SAXO1: variants seen among roughly 807,000 people sequenced by gnomAD.
SAXO1 encodes 4930500O09Rik.
A neutral mutation model predicts 17.5 loss-of-function variants in SAXO1; 21 were observed. The ratio of observed to expected loss-of-function variants is 1.20; its 90% confidence interval spans 0.85 to 1.72. SAXO1 has a LOEUF of 1.72. Ranked by LOEUF, SAXO1 falls within the 40% of genes most tolerant of loss-of-function variation. The pLI, the probability that SAXO1 is intolerant of heterozygous loss-of-function variation, is 0.00. For missense variants in SAXO1, 843 were observed against 596.0 expected (o/e 1.41, Z -4.32); for synonymous variants, 274 against 216.5 (o/e 1.27, Z -2.33).
intron 1 of SAXO1, chr9:19,027,822 C>G: frequency 6.8e-7 from 1 of 1,478,870 alleles, no homozygotes; most frequent in Non-Finnish European, 9.3e-7. Context: ...AAGGTAATTG[C>G]AGTCACAAAC....
At chr9:19,016,972 A>G (rs1417923645) in intron 1 of SAXO1, among the ~76,000 whole-genome samples, 1 of 151,964 alleles carries the variant, frequency 6.6e-6, no homozygotes, top group African/African-American at 2.4e-5. Context: ...TGAGCATGTG[A>G]CCAAGGCCTG....
intron 1 of SAXO1, among the ~76,000 whole-genome samples, chr9:18,978,057 C>T (rs369576967): frequency 1.4e-5 from 2 of 144,428 alleles, no homozygotes; most frequent in African/African-American, 5.2e-5. Context: ...TCGGGTGGAA[C>T]TAGATCTTAT....
intron 1 of SAXO1, among the ~76,000 whole-genome samples, chr9:18,975,620 G>C (rs1330319137): frequency 6.6e-6 from 1 of 152,182 alleles, no homozygotes; most frequent in Non-Finnish European, 1.5e-5. Context: ...CAGGCATAGT[G>C]ACTAGTGAGA....
chr9:18,968,575 G>C (rs1173645479), intron 1 of SAXO1, among the ~76,000 whole-genome samples: 1 of 145,930 alleles, frequency 6.9e-6, no homozygotes, highest in Non-Finnish European at 1.5e-5. Context: ...TGGCATCATG[G>C]TTAAGAAAAT....
At chr9:19,027,936 G>A (rs547494968) in intron 1 of SAXO1, 7 of 1,430,902 alleles carry the variant, frequency 4.9e-6, no homozygotes, top group African/African-American at 1.4e-5. Context: ...AAAGATGAAC[G>A]TCAGTCCTGA....
intron 2 of SAXO1, among the ~76,000 whole-genome samples, chr9:18,945,118 A>G (rs1831732979): frequency 6.6e-6 from 1 of 152,142 alleles, no homozygotes; most frequent in African/African-American, 2.4e-5. Context: ...ACAAGACACT[A>G]TCCTCACTGA....
chr9:19,043,134 T>C (rs1192534500), intron 1 of SAXO1, among the ~76,000 whole-genome samples: 1 of 151,884 alleles, frequency 6.6e-6, no homozygotes, highest in Admixed American at 6.6e-5. Flanking sequence ...ACTGCACCAC[T>C]ACACTCCAGC....
chr9:18,976,364 C>G (rs957035011), intron 1 of SAXO1, among the ~76,000 whole-genome samples: 9 of 152,182 alleles, frequency 5.9e-5, no homozygotes, highest in Non-Finnish European at 1.2e-4. Flanking sequence ...AGGGAGAGAG[C>G]TCTTGCTACA....
intron 1 of SAXO1, among the ~76,000 whole-genome samples, chr9:18,993,980 CAAA>C (rs1458793070): frequency 5.9e-5 from 9 of 152,160 alleles, no homozygotes; most frequent in Non-Finnish European, 1.3e-4. Flanking sequence ...GGCGAACCTA[CAAA>C]ATGAGTTAAA....
intron 1 of SAXO1, among the ~76,000 whole-genome samples, chr9:18,977,187 C>G (rs981674128): frequency 2.0e-5 from 3 of 152,220 alleles, no homozygotes; most frequent in African/African-American, 7.2e-5. Context: ...CAGAAACTCC[C>G]ACCATGCTGT....
intron 1 of SAXO1, among the ~76,000 whole-genome samples, chr9:18,961,755 G>A (rs1832494595): frequency 6.6e-6 from 1 of 152,136 alleles, no homozygotes; most frequent in Non-Finnish European, 1.5e-5. Flanking sequence ...CATTTGGGTG[G>A]GTTCCAAGTC....
At chr9:19,004,088 C>T (rs1292120619) in intron 1 of SAXO1, among the ~76,000 whole-genome samples, 1 of 152,172 alleles carries the variant, frequency 6.6e-6, no homozygotes, top group Non-Finnish European at 1.5e-5. Flanking sequence ...TGAACAGACA[C>T]TCCTCAAAAG....
chr9:19,039,485 G>A lies in SAXO1; in HGVS notation c.-158+9724C>T, dbSNP rs144074909. ...GTTTTATGTACATCTACTGTACTTC[G>A]TCCCTCAAAGTTTAGTCCTTAATAG... On this transcript the variant is annotated intron_variant, in intron 1 of 3. Transcript: ENST00000542071. Among the ~76,000 whole-genome samples the A allele has an allele frequency of 9.2e-5, 14 of 152,232 alleles. No homozygotes were observed. The East Asian group carries it at 2.1e-3, about 23-fold the overall frequency.
intron 3 of SAXO1, among the ~76,000 whole-genome samples, chr9:18,936,395 G>A (rs1011918733): frequency 2.0e-5 from 3 of 152,154 alleles, no homozygotes; most frequent in Non-Finnish European, 2.9e-5. Context: ...TTGCTGAAAC[G>A]GAGGCATCTA....
chr9:18,944,033 A>G (rs563410173), intron 2 of SAXO1, among the ~76,000 whole-genome samples: 2 of 152,380 alleles, frequency 1.3e-5, no homozygotes, highest in East Asian at 3.9e-4. Flanking sequence ...ACCGGAAAAG[A>G]GCAGACAAAA....
At chr9:18,933,576 G>C (rs1200585619) in intron 3 of SAXO1, among the ~76,000 whole-genome samples, 1 of 152,068 alleles carries the variant, frequency 6.6e-6, no homozygotes, top group Non-Finnish European at 1.5e-5. Flanking sequence ...TTGCAAGCTA[G>C]GTACCTGTAA....
chr9:19,003,767 G>T (rs1269869150), intron 1 of SAXO1, among the ~76,000 whole-genome samples: 5 of 152,098 alleles, frequency 3.3e-5, no homozygotes, highest in Non-Finnish European at 7.4e-5. Context: ...AGACTTAAAC[G>T]TAAGACCTAA....
At chr9:19,026,118 A>G (rs1348613797) in intron 1 of SAXO1, among the ~76,000 whole-genome samples, 1 of 152,222 alleles carries the variant, frequency 6.6e-6, no homozygotes, top group Non-Finnish European at 1.5e-5. Context: ...AAGCTTCCCA[A>G]TACAAATAAA....
intron 1 of SAXO1, among the ~76,000 whole-genome samples, chr9:19,043,222 G>A (rs954394057): frequency 6.6e-6 from 1 of 152,166 alleles, no homozygotes; most frequent in African/African-American, 2.4e-5. Flanking sequence ...CAAAAAAAAA[G>A]AATGAGATCC....
Sources: allele counts gnomAD v4.1 joint callset (sites outside exome capture counted in the v4.1 genomes callset), GRCh38; gene constraint gnomAD v4.1.1; transcripts MANE v1.5; gene names NCBI Gene and HGNC (gene_info 2026-07-23, HGNC 2026-07-21).